The following ANK2 variants were observed in gnomAD, a reference collection of about 807,000 sequenced individuals.
ANK2 encodes the protein ankyrin-2.
ANK2 carries 83 observed loss-of-function variants against 360.5 expected under a neutral mutation model. The observed-to-expected ratio is 0.23, with a 90% CI of 0.19 to 0.28. ANK2 has a LOEUF of 0.28. Ranked by LOEUF, ANK2 falls within the 10% of genes least tolerant of loss-of-function variation. ANK2 has a pLI of 1.00. For synonymous variants in ANK2, 1,740 were observed against 1,759.5 expected, an observed-to-expected ratio of 0.99 and a Z score of 0.28; for missense variants, 4,201 against 4,795.7, an observed-to-expected ratio of 0.88 and a Z score of 3.66.
chr4:112,929,610 T>C (rs1355918365), intron 2 of ANK2, among the ~76,000 whole-genome samples: 2 of 152,226 alleles, frequency 1.3e-5, no homozygotes, highest in African/African-American at 4.8e-5. Context: ...TGGCCAGGCT[T>C]AGTTTTTCCT....
intron 4 of ANK2, among the ~76,000 whole-genome samples, chr4:113,217,830 G>A (rs918864171): frequency 6.6e-6 from 1 of 152,228 alleles, no homozygotes; most frequent in Non-Finnish European, 1.5e-5. Context: ...TGTTGTCTAC[G>A]TGAGGTTTTG....
intron 2 of ANK2, among the ~76,000 whole-genome samples, chr4:113,185,922 C>T (rs2098512929): frequency 6.6e-6 from 1 of 152,136 alleles, no homozygotes; most frequent in Admixed American, 6.5e-5. Context: ...CAGTTTTCTG[C>T]ATATGGCTAG....
intron 4 of ANK2, among the ~76,000 whole-genome samples, chr4:113,230,929 G>A (rs915058767): frequency 9.9e-5 from 15 of 152,150 alleles, no homozygotes; most frequent in Non-Finnish European, 1.9e-4. Context: ...AACTGTGTAA[G>A]TGAATGTGAG....
the ANK2 span, among the ~76,000 whole-genome samples, chr4:112,774,385 G>A: frequency 6.6e-6 from 1 of 152,098 alleles, no homozygotes; most frequent in Non-Finnish European, 1.5e-5. Flanking sequence ...CATTAGGCAG[G>A]TGTAGTGGCA....
intron 45 of ANK2, chr4:113,374,723 G>A (rs1369836665): frequency 1.0e-6 from 1 of 1,001,406 alleles, no homozygotes; most frequent in Non-Finnish European, 1.2e-6. Flanking sequence ...AGTTACATTT[G>A]GCAATCAGAC....
chr4:112,877,778 C>T (rs2075549147), intron 1 of ANK2, among the ~76,000 whole-genome samples: 1 of 152,188 alleles, frequency 6.6e-6, no homozygotes, highest in Non-Finnish European at 1.5e-5. Flanking sequence ...TCCCTCCTCA[C>T]CCACTGCAAT....
intron 2 of ANK2, among the ~76,000 whole-genome samples, chr4:113,192,887 T>A (rs538688013): frequency 6.6e-6 from 1 of 150,534 alleles, no homozygotes; most frequent in Admixed American, 6.6e-5. Context: ...ACTACCATAT[T>A]CAGTGTCATT....
At chr4:113,173,881 C>T (rs1329147565) in intron 1 of ANK2, 2 of 158,994 alleles carry the variant, frequency 1.3e-5, no homozygotes, top group East Asian at 1.9e-4. Context: ...AAAGCACCCT[C>T]GGAGCTTTCT....
At chr4:113,242,819 A>G (rs1198881217) in intron 9 of ANK2, among the ~76,000 whole-genome samples, 3 of 152,188 alleles carry the variant, frequency 2.0e-5, no homozygotes, top group African/African-American at 7.2e-5. Flanking sequence ...ATAACACAAT[A>G]GACAGTAGAG....
At chr4:113,055,921 G>T (rs551061409) in intron 1 of ANK2, among the ~76,000 whole-genome samples, 1 of 152,096 alleles carries the variant, frequency 6.6e-6, no homozygotes, top group Non-Finnish European at 1.5e-5. Flanking sequence ...GCCATTTTGC[G>T]TCAGTTGATC....
At chr4:113,349,293 AAT>A (rs34031811) in intron 36 of ANK2, among the ~76,000 whole-genome samples, 5 of 151,920 alleles carry the variant, frequency 3.3e-5, no homozygotes, top group South Asian at 2.1e-4. Flanking sequence ...AACTTAAAAT[AAT>A]ATGTTTCTAA....
intron 2 of ANK2, among the ~76,000 whole-genome samples, chr4:112,969,305 G>A (rs1362205984): frequency 1.3e-5 from 2 of 152,118 alleles, no homozygotes; most frequent in African/African-American, 2.4e-5. Context: ...GCAACATCTC[G>A]TTTCTCTTGA....
At chr4:113,209,129 T>C (rs1359477546) in intron 4 of ANK2, among the ~76,000 whole-genome samples, 1 of 151,898 alleles carries the variant, frequency 6.6e-6, no homozygotes, top group African/African-American at 2.4e-5. Flanking sequence ...ATTGACACTT[T>C]TATACCATTT....
At chr4:113,345,271 T>C (rs986387815) in intron 34 of ANK2, among the ~76,000 whole-genome samples, 2 of 151,910 alleles carry the variant, frequency 1.3e-5, no homozygotes, top group African/African-American at 2.4e-5. Flanking sequence ...AGAATAGAGG[T>C]TATTAGGGGC....
rs368480249 is a variant in ANK2, at chr4:113,172,822, A to G, written c.85-1594A>G. 3.0e-4 allele frequency among the ~76,000 whole-genome samples: 46 copies of G among 152,374 alleles called. 1 individual carries two copies. In the South Asian group the frequency reaches 9.3e-3, roughly 31 times the overall value. On this transcript the variant is annotated intron_variant, in intron 1 of 45. Coordinates refer to ENST00000357077, the MANE Select transcript of ANK2 (RefSeq NM_001148.6). ...TTAATATAACATAATACACAGTATT[A>G]TAACTCACTTTTAAGTGCTGTGACA... is the stretch of plus-strand genomic sequence containing the variant.
At chr4:112,751,949 A>G in the ANK2 span, among the ~76,000 whole-genome samples, 1 of 152,326 alleles carries the variant, frequency 6.6e-6, no homozygotes, top group East Asian at 1.9e-4. Context: ...TGATTTTACT[A>G]TCAGTACAAA....
At chr4:113,206,935 A>C (rs1472516113) in intron 4 of ANK2, among the ~76,000 whole-genome samples, 6 of 152,100 alleles carry the variant, frequency 3.9e-5, no homozygotes, top group African/African-American at 1.4e-4. Flanking sequence ...GAGGCAGGGG[A>C]ATCATTTGAA....
chr4:113,247,161 G>GAAAAAAA (rs780555782), intron 9 of ANK2, among the ~76,000 whole-genome samples: 1 of 121,496 alleles, frequency 8.2e-6, no homozygotes, highest in African/African-American at 3.0e-5. Context: ...TGATTCTAGA[G>GAAAAAAA]AAAAAAAAAA....
At chr4:113,111,827 T>C (rs2094328013) in intron 1 of ANK2, among the ~76,000 whole-genome samples, 1 of 152,234 alleles carries the variant, frequency 6.6e-6, no homozygotes, top group South Asian at 2.1e-4. Context: ...AGCAGCTTTC[T>C]ATCAAGATGT....
Sources: gnomAD v4.1 joint callset for allele counts (sites outside exome capture counted in the v4.1 genomes callset) on GRCh38, gnomAD v4.1.1 for gene constraint, MANE v1.5 for transcripts, NCBI Gene and HGNC (gene_info 2026-07-23, HGNC 2026-07-21) for gene names.